Variants in INO80C observed in about 807,000 individuals in gnomAD.
The protein encoded by INO80C is IES6 homolog.
A neutral mutation model predicts 17.7 loss-of-function variants in INO80C; 17 were observed. The ratio of observed to expected loss-of-function variants is 0.96; its 90% CI spans 0.66 to 1.44. The LOEUF is 1.44. INO80C is among the 40% of genes most tolerant of loss of function. INO80C has a pLI of 0.00. For synonymous variants in INO80C, 96 were observed against 95.8 expected (o/e 1.00, Z -0.01); for missense variants, 244 against 245.0 (o/e 1.00, Z 0.03).
intron 4 of INO80C, among the ~76,000 whole-genome samples, chr18:35,474,207 C>CTATATATA (rs58465669): frequency 0.11 from 6,562 of 57,796 alleles, 1,034 homozygotes; most frequent in Non-Finnish European, 0.14. Flanking sequence ...GTGTGTGTGT[C>CTATATATA]TATATATATA....
intron 1 of INO80C, among the ~76,000 whole-genome samples, chr18:35,493,695 A>C (rs1337755763): frequency 6.6e-6 from 1 of 152,218 alleles, no homozygotes; most frequent in East Asian, 1.9e-4. Context: ...TTTACTTTAG[A>C]AACAGCAAGC....
rs1422034058 is a variant in INO80C at position 35,485,917 on chromosome 18, G to A, written c.157-5354C>T. Among the ~76,000 whole-genome samples, 8 of 152,344 alleles carry A rather than the reference G, an allele frequency of 5.3e-5. No homozygotes were observed. In the East Asian group the frequency reaches 1.5e-3, roughly 29 times the overall value. On this transcript the variant is annotated intron_variant, in intron 1 of 4. Transcript: ENST00000334598. ...AGGCAGGAGGACTGCTTGAGGCCAA[G>A]AGTTCAAAAGTGGCCTAGGCAACAT...
chr18:35,488,194 A>T (rs911814980), intron 1 of INO80C, among the ~76,000 whole-genome samples: 2 of 152,182 alleles, frequency 1.3e-5, no homozygotes, highest in Non-Finnish European at 2.9e-5. Context: ...GCTCTGAAGG[A>T]CGGTGGCTCT....
At chr18:35,479,816 A>G (rs141297846) in intron 2 of INO80C, among the ~76,000 whole-genome samples, 2 of 152,168 alleles carry the variant, frequency 1.3e-5, no homozygotes, top group African/African-American at 4.8e-5. Flanking sequence ...AGTCTCTGCC[A>G]TGTAAACTGG....
intron 4 of INO80C, among the ~76,000 whole-genome samples, chr18:35,471,017 T>A (rs1415875033): frequency 6.6e-6 from 1 of 152,214 alleles, no homozygotes; most frequent in Non-Finnish European, 1.5e-5. Flanking sequence ...TTCATAGCTC[T>A]GTAACGAGTG....
At chr18:35,491,344 C>A (rs1485535013) in intron 1 of INO80C, among the ~76,000 whole-genome samples, 1 of 152,106 alleles carries the variant, frequency 6.6e-6, no homozygotes, top group Non-Finnish European at 1.5e-5. Context: ...AGAGAAGAGT[C>A]AAGAAGAGGA....
At chr18:35,482,541 A>T (rs2045823300) in intron 1 of INO80C, among the ~76,000 whole-genome samples, 1 of 152,150 alleles carries the variant, frequency 6.6e-6, no homozygotes, top group Non-Finnish European at 1.5e-5. Context: ...CCGGGGTTCC[A>T]GCCAAGGCCC....
chr18:35,486,743 C>T (rs1238853771), intron 1 of INO80C, among the ~76,000 whole-genome samples: 1 of 145,788 alleles, frequency 6.9e-6, no homozygotes, highest in African/African-American at 2.6e-5. Context: ...CTGGCAATAG[C>T]CACTGCATTC....
intron 4 of INO80C, among the ~76,000 whole-genome samples, chr18:35,471,937 A>C (rs578095395): frequency 2.0e-5 from 3 of 152,162 alleles, no homozygotes; most frequent in East Asian, 1.9e-4. Context: ...TGAACTCATC[A>C]TTTTTTATGG....
intron 4 of INO80C, 24 bp downstream of exon 4, chr18:35,478,258 T>G (rs765044384): frequency 2.0e-6 from 3 of 1,498,554 alleles, no homozygotes; most frequent in Non-Finnish European, 2.8e-6. Context: ...CATTTAATGT[T>G]ATAAGAGATA....
chr18:35,475,356 T>C (rs1357850344), intron 4 of INO80C, among the ~76,000 whole-genome samples: 1 of 152,210 alleles, frequency 6.6e-6, no homozygotes, highest in Non-Finnish European at 1.5e-5. Context: ...AAAATACTCA[T>C]TGAAAATATC....
chr18:35,480,659 C>T, intron 1 of INO80C, 96 bp from the exon 2 acceptor site: 1 of 938,534 alleles, frequency 1.1e-6, no homozygotes, highest in Non-Finnish European at 1.7e-6. Context: ...TGCCACAGGG[C>T]ATGCAAGGGA....
intron 4 of INO80C, among the ~76,000 whole-genome samples, chr18:35,474,907 C>T (rs543050189): frequency 7.2e-4 from 109 of 152,154 alleles, no homozygotes; most frequent in Non-Finnish European, 1.2e-3. Flanking sequence ...TAAAAGCAAA[C>T]AAACCAGAAC....
intron 1 of INO80C, among the ~76,000 whole-genome samples, chr18:35,488,358 A>G (rs1247786941): frequency 6.6e-6 from 1 of 152,158 alleles, no homozygotes; most frequent in Non-Finnish European, 1.5e-5. Flanking sequence ...ATTTCCATAC[A>G]TCCTCTGAAA....
intron 4 of INO80C, among the ~76,000 whole-genome samples, chr18:35,471,012 A>C (rs1049475913): frequency 6.6e-6 from 1 of 152,216 alleles, no homozygotes; most frequent in Non-Finnish European, 1.5e-5. Context: ...CACTTTTCAT[A>C]GCTCTGTAAC....
rs757466341 is a variant in INO80C, at chr18:35,497,906, CT to C, written c.-33del. On this transcript the variant is annotated 5_prime_UTR_variant, in exon 1 of 5. Transcript: ENST00000334598. ...CCGAGTCTTCCCCTGGTCCCCCCAC[CT>C]TTTTCCCAGCGCGGGCCTTGGAACT... 24 of 1,500,740 alleles carry C rather than the reference CT, an allele frequency of 1.6e-5. No individual in the cohort carries two copies. Among genetic ancestry groups the C allele is most frequent in the East Asian group, 1.3e-4 (5 of 38,594 alleles). The allele number at this position is 1,500,740 out of a possible 1,614,324, so 93.0% of individuals were successfully genotyped here. A position where few individuals can be genotyped will look rare whatever the true frequency, so the allele number is the denominator to read the frequency against.
rs530748585 is a variant in INO80C at position 35,484,644 on chromosome 18, C to T, written c.157-4081G>A. Among the ~76,000 whole-genome samples the T allele has an allele frequency of 3.7e-4, 57 of 152,208 alleles. 1 individual carries two copies. Among genetic ancestry groups the T allele is most frequent in the African/African-American group, 9.2e-4 (38 of 41,522 alleles). ...CATTACCTATTATAAGTAATCTAGA[C>T]GTGGTTGAAGTATACAGGAGGATGT... On this transcript the variant is annotated intron_variant, in intron 1 of 4. Coordinates refer to ENST00000334598, the MANE Select transcript of INO80C (RefSeq NM_194281.4).
intron 1 of INO80C, among the ~76,000 whole-genome samples, chr18:35,485,839 G>A (rs2045867818): frequency 6.6e-6 from 1 of 152,196 alleles, no homozygotes; most frequent in South Asian, 2.1e-4. Flanking sequence ...ATAAAATGTG[G>A]CAGGGCCAAG....
chr18:35,479,420 G>T lies in INO80C; in HGVS notation c.268-9C>A, dbSNP rs1325780157. 1 of 1,584,662 alleles carries T rather than the reference G, an allele frequency of 6.3e-7. No homozygotes were observed. The highest frequency in any genetic ancestry group is 1.7e-5 in the Admixed American group (1 of 59,936). ...CCACCGTGGCCAGAGTGCTTGAATT[G>T]AAGGCATGGATTAGAAGAAACAAAA... On this transcript the variant is annotated splice_polypyrimidine_tract_variant and intron_variant, in intron 2 of 4. Transcript: ENST00000334598.
Sources: gnomAD v4.1 joint callset for allele counts (sites outside exome capture counted in the v4.1 genomes callset) on GRCh38, gnomAD v4.1.1 for gene constraint, MANE v1.5 for transcripts, NCBI Gene and HGNC (gene_info 2026-07-23, HGNC 2026-07-21) for gene names.